The following AKAP3 variants were observed in gnomAD, a reference collection of about 807,000 sequenced individuals.
The protein encoded by AKAP3 is A-kinase anchor protein 3.
In AKAP3, 27 loss-of-function variants were observed where a neutral mutation model predicts 57.2. The ratio of observed to expected loss-of-function variants is 0.47; its 90% CI spans 0.35 to 0.65. AKAP3 has a LOEUF of 0.65. Among genes scored for constraint, AKAP3 ranks in the 30% least tolerant of loss-of-function variants. The pLI is 0.01. For synonymous variants in AKAP3, 334 were observed against 392.3 expected (o/e 0.85, Z 1.76); for missense variants, 959 against 1,040.0 (o/e 0.92, Z 1.07).
At chr12:4,635,152 C>T (rs1945548318) in intron 4 of AKAP3, among the ~76,000 whole-genome samples, 1 of 152,094 alleles carries the variant, frequency 6.6e-6, no homozygotes, top group African/African-American at 2.4e-5. Context: ...ATTGCTGAAA[C>T]ATTAGTAAGA....
intron 2 of AKAP3, among the ~76,000 whole-genome samples, chr12:4,642,509 G>A (rs1945649478): frequency 6.6e-6 from 1 of 152,136 alleles, no homozygotes; most frequent in African/African-American, 2.4e-5. Context: ...ACATTTCAGT[G>A]GAAGACATTA....
chr12:4,621,221 G>GA (rs1945343741), intron 5 of AKAP3, among the ~76,000 whole-genome samples: 2 of 5,930 alleles, frequency 3.4e-4, no homozygotes, highest in Non-Finnish European at 3.3e-3. Flanking sequence ...GAGCCAAAAA[G>GA]TTAAAAAAAA....
chr12:4,645,374 T>TAA (rs1945686326), intron 1 of AKAP3, 182 bp from the exon 2 acceptor site: 2 of 152,348 alleles, frequency 1.3e-5, no homozygotes, highest in South Asian at 4.1e-4. Flanking sequence ...TTTAGAGCAG[T>TAA]GGTCCCCAAA....
intron 2 of AKAP3, among the ~76,000 whole-genome samples, chr12:4,642,542 A>G (rs1945649720): frequency 6.6e-6 from 1 of 152,170 alleles, no homozygotes; most frequent in Admixed American, 6.5e-5. Flanking sequence ...CTCTTCTTGA[A>G]TATCCACCCA....
At chr12:4,631,476 CTA>C (rs1945497388) in intron 4 of AKAP3, 1 of 607,668 alleles carries the variant, frequency 1.6e-6, no homozygotes, top group African/African-American at 1.9e-5. Flanking sequence ...GTCTGTATCA[CTA>C]TGTGTCTGTA....
intron 4 of AKAP3, among the ~76,000 whole-genome samples, chr12:4,629,580 C>G (rs66871237): frequency 0.28 from 41,826 of 152,048 alleles, 6,032 homozygotes; most frequent in East Asian, 0.39. Flanking sequence ...ACTCCCATGA[C>G]ACACGTTTAC....
chr12:4,627,236 T>A lies in AKAP3; in HGVS notation c.1666A>T (p.Thr556Ser). 6.2e-7 allele frequency: 1 copy of A among 1,614,062 alleles called. No individual in the cohort carries two copies. Among genetic ancestry groups the A allele is most frequent in the Non-Finnish European group, 8.5e-7 (1 of 1,179,982 alleles). Residue 556 changes from threonine to serine, a missense_variant, in exon 5 of 6, where the codon ACC becomes TCC. By Grantham distance (58) the Thr-to-Ser change is moderately conservative (BLOSUM62 1). Transcript: ENST00000228850. ...DARSFVEAAGTTNFPANEPPV... is the reference protein window; with the variant it reads ...DARSFVEAAGSTNFPANEPPV... The stretch of plus-strand genomic sequence containing the variant: ...GGTTCATTGGCAGGAAAGTTGGTGG[T>A]GCCAGCAGCTTCAACGAAGCTCCGT...
In AKAP3 at chr12:4,615,781, G is replaced by A. The variant is rs140255968; in HGVS notation, c.2520C>T (p.Val840=). 3 of 1,614,068 alleles carry A rather than the reference G, an allele frequency of 1.9e-6. No homozygotes were observed. Among genetic ancestry groups the A allele is most frequent in the Non-Finnish European group, 2.5e-6 (3 of 1,180,038 alleles). ...GCCAGTCCAGCAGCTGCAGCGGTGT[G>A]ACATTCCCCACCGCCTCATTCAGCT... ...ERQLNEAVGN[V]TPLQLLDWLM... is the part of the protein sequence containing the mutation. Residue 840 remains valine, a synonymous_variant, in exon 6 of 6, where the codon GTC becomes GTT. Transcript: ENST00000228850.
At chr12:4,630,341 TTAAA>T (rs1217798055) in intron 4 of AKAP3, among the ~76,000 whole-genome samples, 1 of 152,194 alleles carries the variant, frequency 6.6e-6, no homozygotes, top group African/African-American at 2.4e-5. Flanking sequence ...CTTAGAGAAG[TTAAA>T]TAGTTTGCCA....
At chr12:4,619,493 G>C (rs1945321511) in intron 5 of AKAP3, among the ~76,000 whole-genome samples, 1 of 151,976 alleles carries the variant, frequency 6.6e-6, no homozygotes, top group Non-Finnish European at 1.5e-5. Context: ...GGGAGTTTGA[G>C]GCTGCAGTGA....
At chr12:4,621,853 C>T (rs1391755703) in intron 5 of AKAP3, among the ~76,000 whole-genome samples, 2 of 152,106 alleles carry the variant, frequency 1.3e-5, no homozygotes, top group Non-Finnish European at 2.9e-5. Flanking sequence ...AAAAATGTCT[C>T]ATATTTGATG....
intron 4 of AKAP3, chr12:4,636,168 C>T (rs944617700): frequency 2.3e-5 from 14 of 620,840 alleles, no homozygotes; most frequent in South Asian, 2.0e-4. Flanking sequence ...GCCATGTTCA[C>T]ATTTGAAATA....
intron 1 of AKAP3, 168 bp downstream of exon 1, chr12:4,648,577 G>A (rs2137456847): frequency 6.6e-6 from 1 of 152,508 alleles, no homozygotes; most frequent in African/African-American, 2.4e-5. Flanking sequence ...GGGTCCCTAT[G>A]AGAGAATGTG....
chr12:4,631,588 C>T (rs771023103), intron 4 of AKAP3, among the ~76,000 whole-genome samples: 12 of 148,858 alleles, frequency 8.1e-5, no homozygotes, highest in African/African-American at 2.0e-4. Context: ...CTGATTGGTG[C>T]ATGCTCACAC....
At position 4,638,082 on chromosome 12, in the gene AKAP3, TCAAGAGGTTGACC is replaced by T; in HGVS notation, c.96+6_96+18del. On this transcript the variant is annotated splice_donor_region_variant and intron_variant, in intron 4 of 5. Transcript: ENST00000228850. ...CCCCATATTCTTAACCTAGTGTTTA[TCAAGAGGTTGACC>T]CTTACCATTTTCCAGTCCTGGGCTT... The T allele has an allele frequency of 6.4e-7, 1 of 1,573,592 alleles. No individual in the cohort carries two copies. Among genetic ancestry groups the T allele is most frequent in the Non-Finnish European group, 8.7e-7 (1 of 1,143,338 alleles).
chr12:4,630,445 C>T (rs374042278), intron 4 of AKAP3, among the ~76,000 whole-genome samples: 48 of 151,574 alleles, frequency 3.2e-4, no homozygotes, highest in African/African-American at 1.1e-3. Context: ...CAATATCCTG[C>T]TGTGCTTTGA....
At position 4,626,848 on chromosome 12, in the gene AKAP3, G is replaced by A. The variant is rs763131111; in HGVS notation, c.2054C>T (p.Ala685Val). ...TGCCAACGAAGCATCACAGGACTTAGCAATGATGACACACAGCTTCATCAC... is the reference window on the plus strand; with the variant it reads ...TGCCAACGAAGCATCACAGGACTTAACAATGATGACACACAGCTTCATCAC... ...NSVMKLCVII[A>V]KSCDASLAEL... Residue 685 changes from alanine to valine, a missense_variant, in exon 5 of 6, where the codon GCT becomes GTT. Physicochemically the swap from Ala to Val is moderately conservative, Grantham distance 64. Transcript: ENST00000228850. 1 of 1,607,916 alleles carries A rather than the reference G, an allele frequency of 6.2e-7. No homozygotes were observed. Among genetic ancestry groups the A allele is most frequent in the East Asian group, 2.2e-5 (1 of 44,890 alleles).
chr12:4,620,635 G>T (rs1216111653), intron 5 of AKAP3, among the ~76,000 whole-genome samples: 1 of 152,072 alleles, frequency 6.6e-6, no homozygotes, highest in Non-Finnish European at 1.5e-5. Flanking sequence ...CTGTACATAT[G>T]ATGGTGGTTC....
Position 4,626,710 on chromosome 12 carries a change from T to G in AKAP3, c.2192A>C (p.Gln731Pro), listed in dbSNP as rs149748011. ...ATTATGGATAGCTTGATAGGCATTCTGCAGGACAGCTTCTGCTGACCCTGT... is the reference window on the plus strand; with the variant it reads ...ATTATGGATAGCTTGATAGGCATTCGGCAGGACAGCTTCTGCTGACCCTGT... Reference protein sequence around the residue: ...KGTGSAEAVLQNAYQAIHNEM... With the variant: ...KGTGSAEAVLPNAYQAIHNEM... Residue 731 changes from glutamine (Q) to proline (P), a missense_variant, in exon 5 of 6, where the codon CAG (glutamine) becomes CCG (proline). Physicochemically the swap from Gln to Pro is moderately conservative, Grantham distance 76. Coordinates refer to ENST00000228850, the MANE Select transcript of AKAP3 (RefSeq NM_001278309.2). 1.2e-6 allele frequency: 2 copies of G among 1,614,094 alleles called. No homozygotes were observed. Among genetic ancestry groups the G allele is most frequent in the Non-Finnish European group, 1.7e-6 (2 of 1,180,036 alleles).
Sources: gnomAD v4.1 joint callset for allele counts (sites outside exome capture counted in the v4.1 genomes callset) on GRCh38, gnomAD v4.1.1 for gene constraint, MANE v1.5 for transcripts, NCBI Gene and HGNC (gene_info 2026-07-23, HGNC 2026-07-21) for gene names.